NECTIN2: variants seen among roughly 807,000 people sequenced by gnomAD.
The protein encoded by NECTIN2 is nectin cell adhesion molecule 2.
A neutral mutation model predicts 56.9 loss-of-function variants in NECTIN2; 23 were observed. The observed-to-expected ratio is 0.40, with a 90% CI of 0.29 to 0.57. The LOEUF (loss-of-function observed/expected upper bound fraction) is 0.57, where lower values mean the gene tolerates loss of function less well. NECTIN2 is among the 20% of genes least tolerant of loss of function. The pLI, the probability that NECTIN2 is intolerant of heterozygous loss-of-function variation, is 0.38. For missense variants in NECTIN2, 587 were observed against 718.3 expected (o/e 0.82, Z 2.09); for synonymous variants, 302 against 313.8 (o/e 0.96, Z 0.40).
At chr19:44,852,927 T>C (rs1431584836) in intron 1 of NECTIN2, among the ~76,000 whole-genome samples, 1 of 152,004 alleles carries the variant, frequency 6.6e-6, no homozygotes, top group Non-Finnish European at 1.5e-5. Context: ...CAACAAACAG[T>C]GAGACCCCTT....
chr19:44,861,447 A>T (rs994005289), intron 1 of NECTIN2, among the ~76,000 whole-genome samples: 27 of 152,226 alleles, frequency 1.8e-4, no homozygotes, highest in Non-Finnish European at 1.3e-4. Flanking sequence ...GTCTATATCT[A>T]CAAAGATTTC....
chr19:44,850,443 G>A (rs1000297038), intron 1 of NECTIN2, among the ~76,000 whole-genome samples: 1 of 151,908 alleles, frequency 6.6e-6, no homozygotes, highest in Non-Finnish European at 1.5e-5. Flanking sequence ...TCAGGAGTTC[G>A]AGACCAGCCT....
intron 8 of NECTIN2, 99 bp downstream of exon 8, chr19:44,886,318 C>T (rs940021613): frequency 3.1e-6 from 3 of 963,108 alleles, no homozygotes; most frequent in African/African-American, 3.2e-5. Flanking sequence ...GGTCATAACT[C>T]AAGGTCAAGG....
At position 44,865,470 on chromosome 19, in the gene NECTIN2, G is replaced by A. The variant is rs201817533; in HGVS notation, c.288G>A (p.Pro96=). Residue 96 remains proline (P), a synonymous_variant, in exon 2 of 9, where the codon CCG becomes CCA. Transcript: ENST00000252483. The surrounding 1 kb of genome is among the most constrained non-coding windows in gnomAD (Gnocchi z 5.2). ...HPKMGPSFPS[P]KPGSERLSFV... ...AGATGGGTCCCAGCTTCCCCAGCCC[G>A]AAGCCTGGCAGCGAGCGGCTGTCCT... 1.0e-4 allele frequency: 169 copies of A among 1,613,530 alleles called. No individual in the cohort carries two copies. The East Asian group carries it at 1.3e-3, about 12-fold the overall frequency.
intron 5 of NECTIN2, chr19:44,881,923 G>A (rs1969312326): frequency 3.6e-6 from 1 of 276,172 alleles, no homozygotes; most frequent in East Asian, 6.3e-5. Context: ...CATCTGGCAT[G>A]TGAGCTATTG....
At chr19:44,853,645 C>A (rs959492062) in intron 1 of NECTIN2, among the ~76,000 whole-genome samples, 1 of 151,914 alleles carries the variant, frequency 6.6e-6, no homozygotes, top group Middle Eastern at 3.2e-3. Context: ...CCCGCCACCA[C>A]GCCCGGCTAA....
rs184669450 is a variant in NECTIN2 at position 44,865,899 on chromosome 19, G to A, written c.478+239G>A. 7.9e-4 allele frequency among the ~76,000 whole-genome samples: 120 copies of A among 152,310 alleles called. No individual in the cohort carries two copies. The highest frequency in any genetic ancestry group is 2.8e-3 in the African/African-American group (117 of 41,588). On this transcript the variant is annotated intron_variant, in intron 2 of 8. Coordinates refer to ENST00000252483, the MANE Select transcript of NECTIN2 (RefSeq NM_001042724.2). The surrounding 1 kb of genome is among the most constrained non-coding windows in gnomAD (Gnocchi z 5.2). The stretch of plus-strand genomic sequence containing the variant: ...ACAAAAAAATAAGTATTGGCTGGGC[G>A]CAGTGGCCCACCCCTGTAATCCTAG...
At chr19:44,870,919 G>A (rs746689962) in intron 2 of NECTIN2, among the ~76,000 whole-genome samples, 3 of 151,898 alleles carry the variant, frequency 2.0e-5, no homozygotes, top group Non-Finnish European at 4.4e-5. Flanking sequence ...TAGTAGAGAT[G>A]GGGTTTCACC....
chr19:44,885,844 G>A, intron 6 of NECTIN2, 93 bp from the exon 7 acceptor site: 1 of 1,019,380 alleles, frequency 9.8e-7, no homozygotes, highest in Non-Finnish European at 1.5e-6. Context: ...GGGAAAGGGA[G>A]ACCCAGGTAG....
chr19:44,875,352 G>GCCTC lies in NECTIN2; in HGVS notation c.1042+877_1042+880dup, dbSNP rs1969225147. 6.6e-6 allele frequency among the ~76,000 whole-genome samples: 1 copy of GCCTC among 150,448 alleles called. No homozygotes were observed. Among genetic ancestry groups the GCCTC allele is most frequent in the African/African-American group, 2.5e-5 (1 of 40,724 alleles). ...GCAATCTCAGCTCACCGCAACCTCC[G>GCCTC]CCTCCCGGGTTCAAGCAATTATCCT... On this transcript the variant is annotated intron_variant, in intron 5 of 8. Transcript: ENST00000252483. The surrounding 1 kb of genome is among the most constrained non-coding windows in gnomAD (Gnocchi z 4.2).
intron 5 of NECTIN2, among the ~76,000 whole-genome samples, chr19:44,879,291 C>T (rs981350898): frequency 4.0e-5 from 6 of 151,364 alleles, no homozygotes; most frequent in African/African-American, 1.5e-4. Context: ...CCTGGGCCCT[C>T]GGGTGGAGGT....
intron 5 of NECTIN2, among the ~76,000 whole-genome samples, chr19:44,881,339 T>A (rs1439266442): frequency 6.6e-6 from 1 of 152,058 alleles, no homozygotes; most frequent in Non-Finnish European, 1.5e-5. Context: ...ATCTTCCCAC[T>A]CTGCCCCGCC....
chr19:44,847,725 CG>C (rs1968852556), intron 1 of NECTIN2, among the ~76,000 whole-genome samples: 1 of 152,078 alleles, frequency 6.6e-6, no homozygotes, highest in Non-Finnish European at 1.5e-5. Flanking sequence ...CAGGGAGGGG[CG>C]GGGCGGGCGC....
intron 5 of NECTIN2, chr19:44,878,712 C>G: frequency 6.7e-7 from 1 of 1,502,634 alleles, no homozygotes; most frequent in South Asian, 1.4e-5. Flanking sequence ...TGGACTTGTT[C>G]GTCTGGACGA....
chr19:44,888,416 G>A lies in NECTIN2; in HGVS notation c.*37G>A, dbSNP rs1473264376. Reference sequence around the variant, plus strand: ...CCTGGCGTCTCACATCTCACCTGTTGATCCCTTAGCTTTCTTGCCAAGGAT... The same window carrying A: ...CCTGGCGTCTCACATCTCACCTGTTAATCCCTTAGCTTTCTTGCCAAGGAT... On this transcript the variant is annotated 3_prime_UTR_variant, in exon 9 of 9. Coordinates refer to ENST00000252483, the MANE Select transcript of NECTIN2 (RefSeq NM_001042724.2). 6.3e-7 allele frequency: 1 copy of A among 1,589,852 alleles called. No individual in the cohort carries two copies. Among genetic ancestry groups the A allele is most frequent in the Admixed American group, 1.7e-5 (1 of 58,562 alleles).
At position 44,882,298 on chromosome 19, in the gene NECTIN2, C is replaced by G. The variant is rs540886913; in HGVS notation, c.1130C>G (p.Thr377Arg). ...ATCATTGCTACTGCTGTGGCTGCCACGGGCATCCTTATCTGCCGGCAGCAG... is the reference window on the plus strand; with the variant it reads ...ATCATTGCTACTGCTGTGGCTGCCAGGGGCATCCTTATCTGCCGGCAGCAG... ...AAIIATAVAA[T>R]GILICRQQRK... is the part of the protein sequence containing the mutation. The change falls in exon 6 of 9, where the codon ACG becomes AGG. Residue 377 changes from threonine to arginine, a missense_variant. Transcript: ENST00000252483. 6.4e-7 allele frequency: 1 copy of G among 1,561,412 alleles called. No individual in the cohort carries two copies. Among genetic ancestry groups the G allele is most frequent in the Admixed American group, 1.9e-5 (1 of 53,646 alleles).
chr19:44,857,442 C>T (rs1447227743), intron 1 of NECTIN2, among the ~76,000 whole-genome samples: 1 of 151,666 alleles, frequency 6.6e-6, no homozygotes, highest in African/African-American at 2.4e-5. Flanking sequence ...TGCTCTATTG[C>T]CCAGGCTGGA....
At chr19:44,866,884 C>T (rs1969107255) in intron 2 of NECTIN2, among the ~76,000 whole-genome samples, 1 of 151,992 alleles carries the variant, frequency 6.6e-6, no homozygotes. Context: ...CTACAAAGTC[C>T]GGGTGGGGCC....
intron 6 of NECTIN2, 24 bp downstream of exon 6, chr19:44,882,388 G>A: frequency 7.3e-7 from 1 of 1,372,192 alleles, no homozygotes; most frequent in Non-Finnish European, 9.5e-7. Context: ...CCTGAGACGG[G>A]GATGGGAGAG....
Sources: allele counts gnomAD v4.1 joint callset (sites outside exome capture counted in the v4.1 genomes callset), GRCh38; gene constraint gnomAD v4.1.1; non-coding constraint Gnocchi (gnomAD v3.1); transcripts MANE v1.5; gene names NCBI Gene and HGNC (gene_info 2026-07-23, HGNC 2026-07-21).